DIAPH3: variants seen among roughly 807,000 people sequenced by gnomAD.
DIAPH3 encodes the protein diaphanous related formin 3, also known as protein diaphanous homolog 3.
Under a neutral mutation model 144.3 loss-of-function variants are expected in DIAPH3, and 117 were observed. The ratio of observed to expected loss-of-function variants is 0.81; its 90% CI spans 0.70 to 0.95. DIAPH3 has a LOEUF of 0.95. Among genes scored for constraint, DIAPH3 ranks in the 40% least tolerant of loss-of-function variants. The pLI, the probability that DIAPH3 is intolerant of heterozygous loss-of-function variation, is 0.00. For missense variants in DIAPH3, 1,421 were observed against 1,412.7 expected (o/e 1.01, Z -0.09); for synonymous variants, 519 against 488.9 (o/e 1.06, Z -0.81).
intron 27 of DIAPH3, among the ~76,000 whole-genome samples, chr13:59,769,367 C>A (rs1490119998): frequency 6.6e-6 from 1 of 152,156 alleles, no homozygotes; most frequent in Non-Finnish European, 1.5e-5. Flanking sequence ...CTCCCAACTT[C>A]TTGATCTCTT....
chr13:59,874,786 A>G (rs904662504), intron 21 of DIAPH3, among the ~76,000 whole-genome samples: 2 of 152,208 alleles, frequency 1.3e-5, no homozygotes, highest in African/African-American at 4.8e-5. Context: ...ACTTATATCT[A>G]TTACCCCAAT....
At chr13:59,972,684 T>C (rs2050455983) in intron 15 of DIAPH3, among the ~76,000 whole-genome samples, 1 of 152,178 alleles carries the variant, frequency 6.6e-6, no homozygotes, top group Non-Finnish European at 1.5e-5. Context: ...TTTGAACGTA[T>C]TTAATAATTA....
chr13:59,716,339 C>A (rs943219310), intron 27 of DIAPH3, among the ~76,000 whole-genome samples: 1 of 152,152 alleles, frequency 6.6e-6, no homozygotes, highest in African/African-American at 2.4e-5. Flanking sequence ...CCACGCCCGG[C>A]TAATTTTTTG....
chr13:59,675,171 T>A (rs2032576010), intron 27 of DIAPH3, among the ~76,000 whole-genome samples: 1 of 152,112 alleles, frequency 6.6e-6, no homozygotes, highest in South Asian at 2.1e-4. Flanking sequence ...GCTCAAGGTA[T>A]CCTCTTGTCT....
At chr13:59,674,198 T>G (rs898879046) in intron 27 of DIAPH3, among the ~76,000 whole-genome samples, 9 of 152,234 alleles carry the variant, frequency 5.9e-5, no homozygotes, top group African/African-American at 1.9e-4. Flanking sequence ...AATATCGATA[T>G]GATCATATTA....
chr13:59,975,003 T>C (rs1030093282), intron 14 of DIAPH3, among the ~76,000 whole-genome samples: 1 of 152,012 alleles, frequency 6.6e-6, no homozygotes, highest in African/African-American at 2.4e-5. Context: ...AATTAATTTT[T>C]CAAAGTCCCT....
At chr13:59,750,293 AT>A (rs2036940788) in intron 27 of DIAPH3, among the ~76,000 whole-genome samples, 1 of 152,224 alleles carries the variant, frequency 6.6e-6, no homozygotes, top group South Asian at 2.1e-4. Context: ...TAAAAACCTC[AT>A]GAACTTGACC....
rs186038264 is a variant in DIAPH3 at position 60,127,936 on chromosome 13, A to G, written c.213+5021T>C. On this transcript the variant is annotated intron_variant, in intron 2 of 27. Coordinates refer to ENST00000400324, the MANE Select transcript of DIAPH3 (RefSeq NM_001042517.2). ...TTTTAACTTTTAGGTTCAGAGGTAC[A>G]TGTGCAGGTTTGTTATATAGATAAA... Among the ~76,000 whole-genome samples the G allele has an allele frequency of 1.9e-3, 292 of 152,260 alleles. 2 individuals carry two copies. Among genetic ancestry groups the G allele is most frequent in the African/African-American group, 6.6e-3 (275 of 41,552 alleles).
intron 1 of DIAPH3, among the ~76,000 whole-genome samples, chr13:60,149,250 T>C (rs1366317576): frequency 6.6e-6 from 1 of 152,134 alleles, no homozygotes; most frequent in Non-Finnish European, 1.5e-5. Flanking sequence ...ATATATTCCT[T>C]GTGTGGATAT....
chr13:59,889,478 GCAA>G (rs2045657850), intron 20 of DIAPH3, among the ~76,000 whole-genome samples: 1 of 151,586 alleles, frequency 6.6e-6, no homozygotes, highest in African/African-American at 2.4e-5. Context: ...TCATTTCCCT[GCAA>G]ATATTCCTTA....
intron 20 of DIAPH3, among the ~76,000 whole-genome samples, chr13:59,894,920 A>G (rs17667102): frequency 0.057 from 8,634 of 152,158 alleles, 298 homozygotes; most frequent in Admixed American, 0.1. Context: ...TGTCCAAAAC[A>G]TAAAACTTCA....
intron 27 of DIAPH3, among the ~76,000 whole-genome samples, chr13:59,692,950 TCAAA>T (rs2033613961): frequency 6.6e-6 from 1 of 152,010 alleles, no homozygotes; most frequent in Non-Finnish European, 1.5e-5. Context: ...AAACAAATAA[TCAAA>T]CAAATATGTA....
At position 60,129,601 on chromosome 13, in the gene DIAPH3, G is replaced by A. The variant is rs559093608; in HGVS notation, c.213+3356C>T. Among the ~76,000 whole-genome samples, 10 of 152,238 alleles carry A rather than the reference G, an allele frequency of 6.6e-5. No individual in the cohort carries two copies. In the South Asian group the frequency reaches 2.1e-3, roughly 32 times the overall value. On this transcript the variant is annotated intron_variant, in intron 2 of 27. Transcript: ENST00000400324. ...GATGTTTTAATGTTTCTAAAATACT[G>A]TTATTCAAATGTATGACTACAGCAC...
At chr13:60,067,052 G>C (rs1475494443) in intron 4 of DIAPH3, among the ~76,000 whole-genome samples, 1 of 152,200 alleles carries the variant, frequency 6.6e-6, no homozygotes, top group Admixed American at 6.5e-5. Flanking sequence ...GCTGAGACCA[G>C]AGGATTGCTT....
Position 60,119,306 on chromosome 13 carries a change from G to A in DIAPH3, c.214-7120C>T, listed in dbSNP as rs536728175. Among the ~76,000 whole-genome samples, 3 of 152,192 alleles carry A rather than the reference G, an allele frequency of 2.0e-5. No individual in the cohort carries two copies. In the South Asian group the frequency reaches 6.2e-4, roughly 32 times the overall value. ...AAACAGGTTTCTTGCCAACAGCCAT[G>A]TGAGTGAGCCATCTTGAAAGTCCTG... On this transcript the variant is annotated intron_variant, in intron 2 of 27. Transcript: ENST00000400324.
chr13:59,762,043 C>T (rs923999898), intron 27 of DIAPH3, among the ~76,000 whole-genome samples: 6 of 133,630 alleles, frequency 4.5e-5, no homozygotes, highest in South Asian at 2.7e-4. Context: ...AAGATGAAAG[C>T]GTCAGCATCT....
At chr13:59,939,816 ATC>A (rs1394684766) in intron 17 of DIAPH3, among the ~76,000 whole-genome samples, 1 of 146,904 alleles carries the variant, frequency 6.8e-6, no homozygotes, top group Non-Finnish European at 1.5e-5. Context: ...ATGTATATGT[ATC>A]TACAGGGAGA....
intron 27 of DIAPH3, among the ~76,000 whole-genome samples, chr13:59,673,105 G>A (rs116903541): frequency 0.044 from 6,649 of 152,256 alleles, 226 homozygotes; most frequent in South Asian, 0.1. Flanking sequence ...TCAAGATGAC[G>A]CAGGCTCTGT....
chr13:59,860,119 G>T (rs2043492950), intron 22 of DIAPH3, among the ~76,000 whole-genome samples: 1 of 152,050 alleles, frequency 6.6e-6, no homozygotes, highest in Non-Finnish European at 1.5e-5. Flanking sequence ...CCAATCACAT[G>T]CTTCTTTGTC....
Sources: allele counts gnomAD v4.1 joint callset (sites outside exome capture counted in the v4.1 genomes callset), GRCh38; gene constraint gnomAD v4.1.1; transcripts MANE v1.5; gene names NCBI Gene and HGNC (gene_info 2026-07-23, HGNC 2026-07-21).